The following TCF3 variants were observed in gnomAD, a reference collection of about 807,000 sequenced individuals.
TCF3 encodes transcription factor E2-alpha.
TCF3 carries 54 observed loss-of-function variants against 72.3 expected under a neutral mutation model. That is an observed-to-expected ratio of 0.75 (90% CI 0.60 to 0.94). The LOEUF is 0.94. Ranked by LOEUF, TCF3 falls within the 40% of genes least tolerant of loss-of-function variation. TCF3 has a pLI of 0.00. For missense variants in TCF3, 1,078 were observed against 934.4 expected (o/e 1.15, Z -2.00); for synonymous variants, 525 against 412.6 (o/e 1.27, Z -3.30).
rs532528681 is a variant in TCF3 at position 1,610,797 on chromosome 19, C to G, written c.*910G>C. 1 of 232,174 alleles carries G rather than the reference C, an allele frequency of 4.3e-6. No individual in the cohort carries two copies. Among genetic ancestry groups the G allele is most frequent in the South Asian group, 1.8e-4 (1 of 5,508 alleles). The allele number at this position is 232,174 out of a possible 1,614,324, so 14.4% of individuals were successfully genotyped here. A position where few individuals can be genotyped will look rare whatever the true frequency, so the allele number is the denominator to read the frequency against. On this transcript the variant is annotated 3_prime_UTR_variant, in exon 19 of 19. Coordinates refer to ENST00000262965, the MANE Select transcript of TCF3 (RefSeq NM_003200.5). ...AGGGGAGAGGATGCGGCAGGGAAGC[C>G]CCAAGGTGCCTTCATCAGGGAACGC...
At chr19:1,620,173 A>C (rs2062014926) in intron 13 of TCF3, among the ~76,000 whole-genome samples, 1 of 152,122 alleles carries the variant, frequency 6.6e-6, no homozygotes, top group South Asian at 2.1e-4. Flanking sequence ...ACCCTGGCTG[A>C]CCCACGCTGG....
chr19:1,630,406 G>A (rs565304545), intron 5 of TCF3, among the ~76,000 whole-genome samples: 148 of 152,316 alleles, frequency 9.7e-4, no homozygotes, highest in African/African-American at 3.4e-3. Context: ...CCAAGTTCGA[G>A]GCCGGGCAAA....
chr19:1,642,316 A>ACG (rs2065452008), intron 3 of TCF3, among the ~76,000 whole-genome samples: 1 of 151,672 alleles, frequency 6.6e-6, no homozygotes, highest in Non-Finnish European at 1.5e-5. Context: ...CCGCACGCAC[A>ACG]CACAGACACA....
chr19:1,651,801 C>A (rs1007509828), intron 1 of TCF3, among the ~76,000 whole-genome samples: 1 of 151,202 alleles, frequency 6.6e-6, no homozygotes, highest in Admixed American at 6.6e-5. Context: ...ACCCGCGCGC[C>A]CCCCCCCGGC....
At chr19:1,627,004 G>A (rs555426483) in intron 6 of TCF3, among the ~76,000 whole-genome samples, 1 of 152,194 alleles carries the variant, frequency 6.6e-6, no homozygotes, top group Non-Finnish European at 1.5e-5. Context: ...GGCCAGCGTG[G>A]GTGAGGATCT....
intron 18 of TCF3, chr19:1,612,209 C>T (rs1343913266): frequency 2.5e-6 from 4 of 1,576,654 alleles, no homozygotes; most frequent in Admixed American, 1.7e-5. Flanking sequence ...GAGCCTACCT[C>T]GCACCTGCTG....
Position 1,614,449 on chromosome 19 carries a change from G to C in TCF3, c.1822+836C>G, listed in dbSNP as rs781233996. On this transcript the variant is annotated intron_variant, in intron 18 of 18. Coordinates refer to ENST00000262965, the MANE Select transcript of TCF3 (RefSeq NM_003200.5). This position sits in a 1 kb window ranked among gnomAD's most constrained non-coding sequence, Gnocchi z 5.6. ...AGGAGGGGCTGCCACGGGAAGCAGA[G>C]GGACGGACGGGCGGGATGGAGGGGA... Among the ~76,000 whole-genome samples the C allele has an allele frequency of 6.6e-6, 1 of 152,222 alleles. No individual in the cohort carries two copies. The highest frequency in any genetic ancestry group is 6.5e-5 in the Admixed American group (1 of 15,288).
chr19:1,647,467 A>G (rs2066296180), intron 2 of TCF3, among the ~76,000 whole-genome samples: 1 of 152,188 alleles, frequency 6.6e-6, no homozygotes, highest in African/African-American at 2.4e-5. Flanking sequence ...GGGACCCAGG[A>G]AGCGGGGTTG....
At chr19:1,630,873 C>T (rs1017094778) in intron 5 of TCF3, among the ~76,000 whole-genome samples, 1 of 152,140 alleles carries the variant, frequency 6.6e-6, no homozygotes, top group Non-Finnish European at 1.5e-5. Context: ...CCGCAGGAGG[C>T]GGAGCATGTG....
At chr19:1,631,845 G>A (rs1377088997) in intron 5 of TCF3, 193 bp downstream of exon 5, 47 of 1,431,988 alleles carry the variant, frequency 3.3e-5, no homozygotes, top group Non-Finnish European at 3.9e-5. Flanking sequence ...GCAGAGTGCC[G>A]TGCCAGGGAG....
chr19:1,617,398 G>A (rs776682588), intron 16 of TCF3, among the ~76,000 whole-genome samples: 33 of 152,344 alleles, frequency 2.2e-4, no homozygotes, highest in African/African-American at 5.8e-4. Context: ...CTAGTGGGAC[G>A]CCGTGTTCAT....
chr19:1,649,445 T>C (rs1020798461), intron 2 of TCF3, among the ~76,000 whole-genome samples: 3 of 152,316 alleles, frequency 2.0e-5, no homozygotes, highest in South Asian at 4.1e-4. Flanking sequence ...GATCTTACTC[T>C]ATCGCCCAGG....
At chr19:1,618,810 G>A (rs996098656) in intron 16 of TCF3, among the ~76,000 whole-genome samples, 1 of 152,216 alleles carries the variant, frequency 6.6e-6, no homozygotes, top group Admixed American at 6.5e-5. Context: ...CTCCCCTGAG[G>A]CAGAGGCATC....
chr19:1,614,586 G>A lies in TCF3; in HGVS notation c.1822+699C>T, dbSNP rs926011033. Among the ~76,000 whole-genome samples, 2 of 152,144 alleles carry A rather than the reference G, an allele frequency of 1.3e-5. No individual in the cohort carries two copies. The highest frequency in any genetic ancestry group is 4.8e-5 in the African/African-American group (2 of 41,430). ...GAGGGGATAGCGTGTGGGCCGGGCC[G>A]GGGCTCTGGCTCCGGTCCCAGCAAC... On this transcript the variant is annotated intron_variant, in intron 18 of 18. Transcript: ENST00000262965. This position sits in a 1 kb window ranked among gnomAD's most constrained non-coding sequence, Gnocchi z 5.6.
In TCF3 at chr19:1,623,576, G is replaced by A. The variant is rs564188882; in HGVS notation, c.549+375C>T. 3.9e-5 allele frequency among the ~76,000 whole-genome samples: 6 copies of A among 152,094 alleles called. No homozygotes were observed. In the East Asian group the frequency reaches 1.2e-3, roughly 29 times the overall value. On this transcript the variant is annotated intron_variant, in intron 8 of 18. Coordinates refer to ENST00000262965, the MANE Select transcript of TCF3 (RefSeq NM_003200.5). ...TTTTTGTATTTTTAGTAGAGATGGGGTTTCACCATGTTGACTAGGCTGATC... is the reference window on the plus strand; with the variant it reads ...TTTTTGTATTTTTAGTAGAGATGGGATTTCACCATGTTGACTAGGCTGATC...
chr19:1,632,955 C>A (rs1013147213), intron 3 of TCF3, among the ~76,000 whole-genome samples: 1 of 152,218 alleles, frequency 6.6e-6, no homozygotes, highest in African/African-American at 2.4e-5. Context: ...GCTCACCCAT[C>A]GGGCAGGAGG....
intron 2 of TCF3, among the ~76,000 whole-genome samples, 180 bp from the exon 3 acceptor site, chr19:1,646,607 C>A (rs141299596): frequency 6.6e-6 from 1 of 152,122 alleles, no homozygotes; most frequent in Non-Finnish European, 1.5e-5. Context: ...TGAGGACTCG[C>A]GTGCCCTCAA....
chr19:1,640,209 G>C (rs2065038675), intron 3 of TCF3, among the ~76,000 whole-genome samples: 1 of 152,016 alleles, frequency 6.6e-6, no homozygotes, highest in Non-Finnish European at 1.5e-5. Context: ...TTTTGGCACG[G>C]GTGGACAGAC....
At position 1,619,787 on chromosome 19, in the gene TCF3, T is replaced by G; in HGVS notation, c.1160A>C (p.His387Pro). 1 of 1,554,896 alleles carries G rather than the reference T, an allele frequency of 6.4e-7. No homozygotes were observed. The highest frequency in any genetic ancestry group is 8.7e-7 in the Non-Finnish European group (1 of 1,150,262). Residue 387 changes from histidine to proline, a missense_variant, in exon 14 of 19, where the codon CAC (histidine) becomes CCC (proline). Transcript: ENST00000262965. Reference sequence around the variant, plus strand: ...GGCGGGGCAGGCACTCACCAGGCCGTGGAGACCCCCGTCGTAGCTGGGCGA... The same window carrying G: ...GGCGGGGCAGGCACTCACCAGGCCGGGGAGACCCCCGTCGTAGCTGGGCGA... ...ALSPSYDGGL[H>P]GLQSKIEDHL... is the part of the protein sequence containing the mutation.
Sources: gnomAD v4.1 joint callset for allele counts (sites outside exome capture counted in the v4.1 genomes callset) on GRCh38, gnomAD v4.1.1 for gene constraint, Gnocchi (gnomAD v3.1) non-coding constraint, MANE v1.5 for transcripts, NCBI Gene and HGNC (gene_info 2026-07-23, HGNC 2026-07-21) for gene names.